PITPNM2: variants seen among roughly 807,000 people sequenced by gnomAD.
The protein encoded by PITPNM2 is membrane-associated phosphatidylinositol transfer protein 2.
In PITPNM2, 35 loss-of-function variants were observed where a neutral mutation model predicts 132.2. The ratio of observed to expected loss-of-function variants is 0.26; its 90% CI spans 0.20 to 0.35. PITPNM2 has a LOEUF of 0.35. PITPNM2 is among the 10% of genes least tolerant of loss of function. The pLI is 1.00. For missense variants in PITPNM2, 1,332 were observed against 1,912.0 expected (o/e 0.70, Z 5.66); for synonymous variants, 738 against 799.2 (o/e 0.92, Z 1.29).
At position 122,997,590 on chromosome 12, in the gene PITPNM2, C is replaced by T. The variant is rs759943619; in HGVS notation, c.1225-18G>A. 6.2e-7 allele frequency: 1 copy of T among 1,600,854 alleles called. No individual in the cohort carries two copies. The highest frequency in any genetic ancestry group is 1.3e-5 in the African/African-American group (1 of 74,820). On this transcript the variant is annotated intron_variant, in intron 10 of 25. Transcript: ENST00000320201. ...ACCTCGTCCTGCATGGGTTGGGGGACAGTGTCAGCTCCCCAGGGAACCCAG... is the reference window on the plus strand; with the variant it reads ...ACCTCGTCCTGCATGGGTTGGGGGATAGTGTCAGCTCCCCAGGGAACCCAG...
chr12:123,053,437 C>G (rs1405570427), intron 2 of PITPNM2, among the ~76,000 whole-genome samples: 1 of 151,090 alleles, frequency 6.6e-6, no homozygotes, highest in African/African-American at 2.4e-5. Flanking sequence ...TGTAACTAAT[C>G]TGTTACTCTC....
At chr12:123,046,617 T>C (rs141516687) in intron 2 of PITPNM2, among the ~76,000 whole-genome samples, 9 of 152,266 alleles carry the variant, frequency 5.9e-5, no homozygotes, top group Non-Finnish European at 1.2e-4. Context: ...CCCCAGCCCC[T>C]GGCACCCACT....
In PITPNM2 at chr12:123,097,676, T is replaced by C. The variant is rs892029631; in HGVS notation, c.-96+12709A>G. ...TGCCTGCCTGCCTTCCTTGCCTGCC[T>C]GTCTGCCTTCCACTGGGGTTTTTCA... is the stretch of plus-strand genomic sequence containing the variant. On this transcript the variant is annotated intron_variant, in intron 2 of 25. Coordinates refer to ENST00000320201, the MANE Select transcript of PITPNM2 (RefSeq NM_020845.3). The surrounding 1 kb of genome is among the most constrained non-coding windows in gnomAD (Gnocchi z 4.7). 6.6e-6 allele frequency among the ~76,000 whole-genome samples: 1 copy of C among 152,240 alleles called. No homozygotes were observed. The highest frequency in any genetic ancestry group is 6.5e-5 in the Admixed American group (1 of 15,290).
intron 1 of PITPNM2, among the ~76,000 whole-genome samples, chr12:123,132,477 C>T (rs1170109901): frequency 1.3e-5 from 2 of 152,002 alleles, no homozygotes. Flanking sequence ...GCCCTACAAG[C>T]CTGAAATTTT....
chr12:123,130,062 C>A (rs10846468), intron 1 of PITPNM2, among the ~76,000 whole-genome samples: 5,717 of 152,114 alleles, frequency 0.038, 127 homozygotes, highest in South Asian at 0.079. Flanking sequence ...CACCACCATA[C>A]CCAGCTAATT....
rs2039086361 is a variant in PITPNM2 at position 123,009,491 on chromosome 12, G to C, written c.643+359C>G. Among the ~76,000 whole-genome samples, 1 of 152,210 alleles carries C rather than the reference G, an allele frequency of 6.6e-6. No homozygotes were observed. The highest frequency in any genetic ancestry group is 1.5e-5 in the Non-Finnish European group (1 of 68,036). ...AAAGGCCTGGGAGCCCAGAGGCCCA[G>C]ATGAGCAGCAGGGAACCTGTCCCCA... On this transcript the variant is annotated intron_variant, in intron 6 of 25. Transcript: ENST00000320201. This position sits in a 1 kb window ranked among gnomAD's most constrained non-coding sequence, Gnocchi z 4.8.
Position 122,994,904 on chromosome 12 carries a change from A to G in PITPNM2, c.2130T>C (p.Gly710=). 3 of 1,612,262 alleles carry G rather than the reference A, an allele frequency of 1.9e-6. No homozygotes were observed. The highest frequency in any genetic ancestry group is 2.5e-6 in the Non-Finnish European group (3 of 1,179,898). The change falls in exon 15 of 26, where the codon GGT becomes GGC. Residue 710 remains glycine (G), a synonymous_variant. Transcript: ENST00000320201. This position sits in a 1 kb window ranked among gnomAD's most constrained non-coding sequence, Gnocchi z 5.4. ...TCTCAAAGTCAAACCTGCCCAGGGC[A>G]CCTGTGCCATCCAGCATGGTGGAGC... The part of the protein sequence containing the change: ...SSSSTMLDGT[G]ALGRFDFEIT...
rs11061611 is a variant in PITPNM2 at position 123,106,195 on chromosome 12, A to G, written c.-96+4190T>C. Among the ~76,000 whole-genome samples the G allele has an allele frequency of 0.011, 1,678 of 152,328 alleles. 38 individuals carry two copies. The highest frequency in any genetic ancestry group is 0.062 in the South Asian group (301 of 4,828). On this transcript the variant is annotated intron_variant, in intron 2 of 25. Coordinates refer to ENST00000320201, the MANE Select transcript of PITPNM2 (RefSeq NM_020845.3). This position sits in a 1 kb window ranked among gnomAD's most constrained non-coding sequence, Gnocchi z 4.4. ...TGAAGCACAATTCGACACAAGCCAG[A>G]GGAATGCAGGCTTCTGCCACCTTGT...
intron 3 of PITPNM2, chr12:123,021,743 G>C (rs1460711656): frequency 2.1e-6 from 2 of 974,338 alleles, no homozygotes; most frequent in East Asian, 1.1e-4. Flanking sequence ...TGCGGGCTTA[G>C]AGCATAGTTT....
intron 1 of PITPNM2, among the ~76,000 whole-genome samples, chr12:123,135,592 T>C (rs2043362273): frequency 6.6e-6 from 1 of 152,192 alleles, no homozygotes; most frequent in African/African-American, 2.4e-5. Context: ...CTAGGTACCT[T>C]GTATAAGTGA....
At chr12:123,067,162 A>G (rs1047712598) in intron 2 of PITPNM2, among the ~76,000 whole-genome samples, 26 of 152,058 alleles carry the variant, frequency 1.7e-4, no homozygotes, top group African/African-American at 6.3e-4. Context: ...AAGAGGAGAG[A>G]GTCTACAGCC....
At chr12:123,135,888 A>G (rs2043370927) in intron 1 of PITPNM2, among the ~76,000 whole-genome samples, 2 of 152,332 alleles carry the variant, frequency 1.3e-5, no homozygotes, top group South Asian at 4.1e-4. Context: ...TCATGGCTGA[A>G]TAATATTTTG....
chr12:123,032,722 G>C (rs542693828), intron 3 of PITPNM2, among the ~76,000 whole-genome samples: 60 of 152,260 alleles, frequency 3.9e-4, no homozygotes, highest in Middle Eastern at 3.4e-3. Flanking sequence ...AGATCAGCCT[G>C]GTCCTTGAAC....
chr12:123,016,283 G>A (rs948814924), intron 3 of PITPNM2, among the ~76,000 whole-genome samples: 5 of 151,174 alleles, frequency 3.3e-5, no homozygotes, highest in South Asian at 4.2e-4. Context: ...CCAAGATCGC[G>A]CCACTGCAGT....
At chr12:123,079,350 C>CTTTTTTTTTTTTTTTTTTTTTTTTTT (rs139205213) in intron 2 of PITPNM2, among the ~76,000 whole-genome samples, 1 of 53,790 alleles carries the variant, frequency 1.9e-5, no homozygotes, top group African/African-American at 6.2e-5. Context: ...TTTTTCTTTT[C>CTTTTTTTTTTTTTTTTTTTTTTTTTT]TTTTTTTTTT....
chr12:123,101,651 A>G (rs1310060257), intron 2 of PITPNM2, among the ~76,000 whole-genome samples: 1 of 152,182 alleles, frequency 6.6e-6, no homozygotes, highest in East Asian at 1.9e-4. Flanking sequence ...TAAGTGGCCT[A>G]CTTAAGGCCA....
intron 19 of PITPNM2, 126 bp from the exon 20 acceptor site, chr12:122,988,476 C>CACT (rs1266594875): frequency 2.4e-6 from 2 of 846,586 alleles, no homozygotes; most frequent in Non-Finnish European, 3.8e-6. Flanking sequence ...TTCTTCAACT[C>CACT]ACTACTGTCT....
chr12:122,996,621 C>A (rs2038439985), intron 12 of PITPNM2, 44 bp from the exon 13 acceptor site: 1 of 1,612,656 alleles, frequency 6.2e-7, no homozygotes, highest in Non-Finnish European at 8.5e-7. Context: ...CACCCGCTCG[C>A]TGGACTATAG....
Position 123,146,743 on chromosome 12 carries a change from G to A in PITPNM2, c.-200+4010C>T, listed in dbSNP as rs1251877199. On this transcript the variant is annotated intron_variant, in intron 1 of 25. Coordinates refer to ENST00000320201, the MANE Select transcript of PITPNM2 (RefSeq NM_020845.3). The stretch of plus-strand genomic sequence containing the variant: ...TTGTCCTGGTGTTGCTAGGTTGGGC[G>A]TGAGGAGGTCAATGCTCCATACTCA... Among the ~76,000 whole-genome samples, 5 of 151,908 alleles carry A rather than the reference G, an allele frequency of 3.3e-5. No homozygotes were observed. The South Asian group carries it at 6.2e-4, about 19-fold the overall frequency.
Sources: gnomAD v4.1 joint callset for allele counts (sites outside exome capture counted in the v4.1 genomes callset) on GRCh38, gnomAD v4.1.1 for gene constraint, Gnocchi (gnomAD v3.1) non-coding constraint, MANE v1.5 for transcripts, NCBI Gene and HGNC (gene_info 2026-07-23, HGNC 2026-07-21) for gene names.